The following GRIK2 variants were observed in gnomAD, a reference collection of about 807,000 sequenced individuals.
GRIK2 encodes glutamate receptor ionotropic, kainate 2.
GRIK2 carries 32 observed loss-of-function variants against 100.3 expected under a neutral mutation model. The observed-to-expected ratio is 0.32, with a 90% CI of 0.24 to 0.43. The LOEUF (loss-of-function observed/expected upper bound fraction) is 0.43, where lower values mean the gene tolerates loss of function less well. Ranked by LOEUF, GRIK2 falls within the 20% of genes least tolerant of loss-of-function variation. GRIK2 has a pLI of 1.00. For synonymous variants in GRIK2, 417 were observed against 389.4 expected (o/e 1.07, Z -0.83); for missense variants, 843 against 1,114.9 (o/e 0.76, Z 3.47).
At chr6:102,047,149 G>A (rs908591946) in intron 15 of GRIK2, among the ~76,000 whole-genome samples, 3 of 151,992 alleles carry the variant, frequency 2.0e-5, no homozygotes, top group Non-Finnish European at 2.9e-5. Flanking sequence ...GCCTCAAGGA[G>A]CTAGAAAAGG....
intron 2 of GRIK2, among the ~76,000 whole-genome samples, chr6:101,593,183 G>C (rs1310848498): frequency 6.6e-6 from 1 of 151,774 alleles, no homozygotes; most frequent in Non-Finnish European, 1.5e-5. Flanking sequence ...TTTAGAATAG[G>C]AAGTAACTGG....
At chr6:101,830,520 A>G (rs1217259142) in intron 10 of GRIK2, among the ~76,000 whole-genome samples, 1 of 152,008 alleles carries the variant, frequency 6.6e-6, no homozygotes, top group Non-Finnish European at 1.5e-5. Flanking sequence ...TAAAAAGAAA[A>G]GGAAATATCC....
Position 101,523,470 on chromosome 6 carries a change from C to T in GRIK2, c.116-98479C>T, listed in dbSNP as rs573655147. ...GGGATACACACTGGGACTATGAATT[C>T]TGGATCATGAACTGTATCTTAAAGC... On this transcript the variant is annotated intron_variant, in intron 2 of 16. Transcript: ENST00000369134. Among the ~76,000 whole-genome samples, 4 of 152,234 alleles carry T rather than the reference C, an allele frequency of 2.6e-5. No individual in the cohort carries two copies. In the South Asian group the frequency reaches 8.3e-4, roughly 32 times the overall value.
At chr6:101,890,812 G>A (rs1787003652) in intron 12 of GRIK2, among the ~76,000 whole-genome samples, 1 of 151,496 alleles carries the variant, frequency 6.6e-6, no homozygotes, top group East Asian at 1.9e-4. Context: ...TTAGTATTGT[G>A]CCTCAGGACT....
intron 10 of GRIK2, among the ~76,000 whole-genome samples, chr6:101,858,783 T>A (rs1460592791): frequency 6.6e-6 from 1 of 151,948 alleles, no homozygotes; most frequent in Non-Finnish European, 1.5e-5. Flanking sequence ...AAAATGTGAT[T>A]ATATATATAA....
At chr6:101,676,456 C>T (rs575778681) in intron 4 of GRIK2, among the ~76,000 whole-genome samples, 167 bp from the exon 5 acceptor site, 3 of 152,050 alleles carry the variant, frequency 2.0e-5, no homozygotes, top group Non-Finnish European at 1.5e-5. Context: ...CGTTCTTGGC[C>T]GTATCAAACT....
At chr6:101,778,197 A>G (rs1041910504) in intron 7 of GRIK2, among the ~76,000 whole-genome samples, 11 of 152,228 alleles carry the variant, frequency 7.2e-5, no homozygotes, top group African/African-American at 2.4e-5. Context: ...AAACAGTTTT[A>G]TTAAAACTAG....
At chr6:101,464,045 C>T (rs1020950767) in intron 2 of GRIK2, among the ~76,000 whole-genome samples, 7 of 152,148 alleles carry the variant, frequency 4.6e-5, no homozygotes, top group Admixed American at 3.9e-4. Context: ...GATACATAAC[C>T]TTTCCTCGAA....
intron 9 of GRIK2, among the ~76,000 whole-genome samples, chr6:101,806,292 A>C (rs9498715): frequency 6.6e-6 from 1 of 152,074 alleles, no homozygotes; most frequent in Non-Finnish European, 1.5e-5. Flanking sequence ...TCTTCTGGTC[A>C]GTTCAAGGAT....
chr6:101,667,056 A>G (rs1459385968), intron 4 of GRIK2, among the ~76,000 whole-genome samples: 1 of 152,174 alleles, frequency 6.6e-6, no homozygotes, highest in African/African-American at 2.4e-5. Context: ...TTTGTTCAGG[A>G]GAGAGTTAAT....
At chr6:101,729,715 C>T (rs1216269704) in intron 7 of GRIK2, among the ~76,000 whole-genome samples, 1 of 151,248 alleles carries the variant, frequency 6.6e-6, no homozygotes, top group Non-Finnish European at 1.5e-5. Flanking sequence ...GAGAGAATTC[C>T]AATTTTTCTC....
intron 15 of GRIK2, among the ~76,000 whole-genome samples, chr6:102,038,848 A>C (rs1333343153): frequency 6.6e-6 from 1 of 151,400 alleles, no homozygotes; most frequent in African/African-American, 2.4e-5. Flanking sequence ...TCCATAGTGA[A>C]AATTTCACCT....
chr6:101,635,617 G>A (rs1041411345), intron 4 of GRIK2, among the ~76,000 whole-genome samples: 11 of 152,020 alleles, frequency 7.2e-5, no homozygotes, highest in Admixed American at 3.3e-4. Context: ...CTGAAAAAGG[G>A]CTAATATCCA....
intron 2 of GRIK2, among the ~76,000 whole-genome samples, chr6:101,607,395 A>G (rs1215576791): frequency 6.6e-6 from 1 of 152,006 alleles, no homozygotes; most frequent in Non-Finnish European, 1.5e-5. Context: ...TGAAATGGTG[A>G]ATGAGAGTAG....
chr6:101,510,663 C>T (rs1344205568), intron 2 of GRIK2, among the ~76,000 whole-genome samples: 2 of 151,554 alleles, frequency 1.3e-5, no homozygotes, highest in Non-Finnish European at 2.9e-5. Flanking sequence ...GCTGGGATTA[C>T]AGGCACCTGC....
intron 4 of GRIK2, among the ~76,000 whole-genome samples, chr6:101,652,584 T>A (rs1781852806): frequency 6.6e-6 from 1 of 152,164 alleles, no homozygotes; most frequent in South Asian, 2.1e-4. Context: ...AGCAGAGAAA[T>A]GAAGTGATAG....
At chr6:101,961,325 G>A (rs907972619) in intron 14 of GRIK2, among the ~76,000 whole-genome samples, 8 of 152,114 alleles carry the variant, frequency 5.3e-5, no homozygotes, top group African/African-American at 1.9e-4. Context: ...CGGGAATGCT[G>A]CTGTTCTGTG....
intron 9 of GRIK2, among the ~76,000 whole-genome samples, chr6:101,808,720 T>C (rs533905668): frequency 6.6e-6 from 1 of 152,028 alleles, no homozygotes; most frequent in South Asian, 2.1e-4. Context: ...AATAAACCAT[T>C]ATTAAAATTG....
chr6:101,669,086 G>A (rs2128337182), intron 4 of GRIK2, among the ~76,000 whole-genome samples: 1 of 152,284 alleles, frequency 6.6e-6, no homozygotes, highest in Admixed American at 6.5e-5. Context: ...AAGGATAATT[G>A]CAATGTGGTA....
Sources: gnomAD v4.1 joint callset for allele counts (sites outside exome capture counted in the v4.1 genomes callset) on GRCh38, gnomAD v4.1.1 for gene constraint, MANE v1.5 for transcripts, NCBI Gene and HGNC (gene_info 2026-07-23, HGNC 2026-07-21) for gene names.